The following MLYCD variants were observed in gnomAD, a reference collection of about 807,000 sequenced individuals.
MLYCD encodes malonyl-CoA decarboxylase.
A neutral mutation model predicts 35.8 loss-of-function variants in MLYCD; 27 were observed. That is an observed-to-expected ratio of 0.75 (90% CI 0.56 to 1.04). MLYCD has a LOEUF of 1.04. Among genes scored for constraint, MLYCD ranks in the 50% least tolerant of loss-of-function variants. MLYCD has a pLI of 0.00. For missense variants in MLYCD, 917 were observed against 665.1 expected, an observed-to-expected ratio of 1.38 and a Z score of -4.17; for synonymous variants, 403 against 302.4, an observed-to-expected ratio of 1.33 and a Z score of -3.45.
rs1907059334 is a variant in MLYCD at position 83,908,420 on chromosome 16, G to A, written c.798+138G>A. On this transcript the variant is annotated intron_variant, in intron 3 of 4. Coordinates refer to ENST00000262430, the MANE Select transcript of MLYCD (RefSeq NM_012213.3). ...AATGGTTTTGGGCTTTTTTAAATTG[G>A]TTAAATAAAATCTCCAGATTTGTAG... The A allele has an allele frequency of 6.9e-6, 8 of 1,156,528 alleles. 1 individual carries two copies. The South Asian group carries it at 1.3e-4, about 19-fold the overall frequency. The allele number at this position is 1,156,528 out of a possible 1,614,324, so 71.6% of individuals were successfully genotyped here.
Position 83,912,239 on chromosome 16 carries a change from C to T in MLYCD, c.820C>T (p.Pro274Ser). ...CCAGGCAATCGTGAAGGAACATCCT[C>T]CATCAGAAACAGAAGAGAAGAACAA... ...NIQAIVKEHP[P>S]SETEEKNKIT... The change falls in exon 4 of 5, where the codon CCA becomes TCA. Residue 274 changes from proline to serine, a missense_variant. Physicochemically the swap from Pro to Ser is moderately conservative, Grantham distance 74. Transcript: ENST00000262430. The T allele has an allele frequency of 6.2e-7, 1 of 1,614,200 alleles. No homozygotes were observed. The highest frequency in any genetic ancestry group is 8.5e-7 in the Non-Finnish European group (1 of 1,180,040).
Position 83,919,596 on chromosome 16 carries a change from G to A in MLYCD, c.*4107G>A, listed in dbSNP as rs1907577005. The A allele has an allele frequency of 6.6e-6, 1 of 150,626 alleles. No homozygotes were observed. The highest frequency in any genetic ancestry group is 2.1e-4 in the South Asian group (1 of 4,878). 9.3% of individuals were successfully genotyped at this position (150,626 alleles called of 1,614,324 possible). ...TGATCAGAACACACAGTGCACAGGA[G>A]AACACACAGTGCACAGAACACACGG... On this transcript the variant is annotated 3_prime_UTR_variant, in exon 5 of 5. Coordinates refer to ENST00000262430, the MANE Select transcript of MLYCD (RefSeq NM_012213.3).
At chr16:83,903,053 A>AC (rs1338185486) in intron 1 of MLYCD, among the ~76,000 whole-genome samples, 1 of 152,042 alleles carries the variant, frequency 6.6e-6, no homozygotes, top group Non-Finnish European at 1.5e-5. Context: ...TCCCAGTGAA[A>AC]CCGAGTCGAA....
chr16:83,902,221 G>T (rs1307933203), intron 1 of MLYCD, among the ~76,000 whole-genome samples: 1 of 135,866 alleles, frequency 7.4e-6, no homozygotes, highest in African/African-American at 2.7e-5. Context: ...ACGGTTTTTT[G>T]TTTGTGTTTA....
At position 83,918,882 on chromosome 16, in the gene MLYCD, A is replaced by G. The variant is rs1907537825; in HGVS notation, c.*3393A>G. Reference sequence around the variant, plus strand: ...ACAGAACACAGCCAGTGCACAGGAGAACACTGCACAGGAGAACCACACTGC... The same window carrying G: ...ACAGAACACAGCCAGTGCACAGGAGGACACTGCACAGGAGAACCACACTGC... On this transcript the variant is annotated 3_prime_UTR_variant, in exon 5 of 5. Transcript: ENST00000262430. The G allele has an allele frequency of 7.2e-6, 1 of 138,438 alleles. No homozygotes were observed. Among genetic ancestry groups the G allele is most frequent in the African/African-American group, 3.0e-5 (1 of 33,314 alleles). The allele number at this position is 138,438 out of a possible 1,614,324, so 8.6% of individuals were successfully genotyped here.
At chr16:83,904,034 AT>A (rs1244854455) in intron 1 of MLYCD, among the ~76,000 whole-genome samples, 1 of 152,196 alleles carries the variant, frequency 6.6e-6, no homozygotes, top group African/African-American at 2.4e-5. Flanking sequence ...TTTAGCCTGG[AT>A]TCCCAGTTCT....
intron 1 of MLYCD, among the ~76,000 whole-genome samples, chr16:83,902,735 A>T (rs1387130206): frequency 2.6e-5 from 4 of 152,178 alleles, no homozygotes; most frequent in African/African-American, 9.6e-5. Context: ...GGAACTCCTG[A>T]CCTCAGATGA....
In MLYCD at chr16:83,923,766, C is replaced by T. The variant is rs1907723248; in HGVS notation, c.*8277C>T. The T allele has an allele frequency of 6.6e-6, 1 of 152,442 alleles. No homozygotes were observed. The highest frequency in any genetic ancestry group is 1.5e-5 in the Non-Finnish European group (1 of 68,240). 9.4% of individuals were successfully genotyped at this position (152,442 alleles called of 1,614,324 possible). A position where few individuals can be genotyped will look rare whatever the true frequency, so the allele number is the denominator to read the frequency against. On this transcript the variant is annotated 3_prime_UTR_variant, in exon 5 of 5. Coordinates refer to ENST00000262430, the MANE Select transcript of MLYCD (RefSeq NM_012213.3). ...CCACCACCCAGCTCTCCTTCCACCG[C>T]ACTGGTCCACCTCCTGACCGTACGT...
In MLYCD at chr16:83,915,650, C is replaced by T; in HGVS notation, c.*161C>T. The T allele has an allele frequency of 6.6e-7, 1 of 1,509,662 alleles. No individual in the cohort carries two copies. Among genetic ancestry groups the T allele is most frequent in the Non-Finnish European group, 8.8e-7 (1 of 1,132,600 alleles). The allele number at this position is 1,509,662 out of a possible 1,614,324, so 93.5% of individuals were successfully genotyped here. A position where few individuals can be genotyped will look rare whatever the true frequency, so the allele number is the denominator to read the frequency against. ...CACTGTGAGGCCAGGCCTCAACTTCCCTCACCCTGGGCGTGACATGCACCC... is the reference window on the plus strand; with the variant it reads ...CACTGTGAGGCCAGGCCTCAACTTCTCTCACCCTGGGCGTGACATGCACCC... On this transcript the variant is annotated 3_prime_UTR_variant, in exon 5 of 5. Coordinates refer to ENST00000262430, the MANE Select transcript of MLYCD (RefSeq NM_012213.3).
At position 83,915,159 on chromosome 16, in the gene MLYCD, G is replaced by T. The variant is rs1177070767; in HGVS notation, c.1152G>T (p.Trp384Cys). 1.2e-6 allele frequency: 2 copies of T among 1,614,086 alleles called. No homozygotes were observed. The highest frequency in any genetic ancestry group is 1.7e-6 in the Non-Finnish European group (2 of 1,180,018). Residue 384 changes from tryptophan (W) to cysteine (C), a missense_variant, in exon 5 of 5, where the codon TGG (tryptophan) becomes TGT (cysteine). Coordinates refer to ENST00000262430, the MANE Select transcript of MLYCD (RefSeq NM_012213.3). Reference sequence around the variant, plus strand: ...AGCTCCTCCTCAGCAGCAGCGAGTGGGTGCAGTCGGAGAAGCTGGTGCGGG... The same window carrying T: ...AGCTCCTCCTCAGCAGCAGCGAGTGTGTGCAGTCGGAGAAGCTGGTGCGGG... ...TLKLLLSSSE[W>C]VQSEKLVRAL...
At chr16:83,906,885 G>A in intron 1 of MLYCD, 102 bp from the exon 2 acceptor site, 2 of 956,312 alleles carry the variant, frequency 2.1e-6, no homozygotes, top group South Asian at 1.3e-5. Context: ...ATTGTCTTAT[G>A]TATCGTGCTT....
rs574670886 is a variant in MLYCD, at chr16:83,903,636, A to G, written c.529-3351A>G. The stretch of plus-strand genomic sequence containing the variant: ...GGTCTAAACGGTGTCATACAAGTCA[A>G]TGGAATTAACAATACACAATACACA... On this transcript the variant is annotated intron_variant, in intron 1 of 4. Transcript: ENST00000262430. Among the ~76,000 whole-genome samples the G allele has an allele frequency of 2.0e-5, 3 of 152,342 alleles. No homozygotes were observed. In the South Asian group the frequency reaches 6.2e-4, roughly 32 times the overall value.
At position 83,918,526 on chromosome 16, in the gene MLYCD, CAGG is replaced by C. The variant is rs762868709; in HGVS notation, c.*3040_*3042del. On this transcript the variant is annotated 3_prime_UTR_variant, in exon 5 of 5. Coordinates refer to ENST00000262430, the MANE Select transcript of MLYCD (RefSeq NM_012213.3). ...AGTGCACAGGAGAACACAGAGTGCACAGGAGAACACATGGTGCACAGGAGAACA... is the reference window on the plus strand; with the variant it reads ...AGTGCACAGGAGAACACAGAGTGCACAGAACACATGGTGCACAGGAGAACA... 22 of 131,512 alleles carry C rather than the reference CAGG, an allele frequency of 1.7e-4. No individual in the cohort carries two copies. Among genetic ancestry groups the C allele is most frequent in the Non-Finnish European group, 3.2e-4 (20 of 63,180 alleles). 8.1% of individuals were successfully genotyped at this position (131,512 alleles called of 1,614,324 possible).
Position 83,912,313 on chromosome 16 carries a change from C to G in MLYCD, c.894C>G (p.Leu298=), listed in dbSNP as rs368719157. The change falls in exon 4 of 5, where the codon CTC becomes CTG. Residue 298 remains leucine (L), a synonymous_variant. Transcript: ENST00000262430. ...FYSISLTQQG[L]QGVELGTFLI... ...CCATCAGCTTGACCCAGCAGGGACT[C>G]CAAGGGGTGGAGCTGGGAACATTCC... is the stretch of plus-strand genomic sequence containing the variant. 94 of 1,614,096 alleles carry G rather than the reference C, an allele frequency of 5.8e-5. No homozygotes were observed. The highest frequency in any genetic ancestry group is 7.8e-5 in the Non-Finnish European group (92 of 1,180,054).
chr16:83,907,121 T>C, intron 2 of MLYCD, 22 bp downstream of exon 2: 1 of 1,562,634 alleles, frequency 6.4e-7, no homozygotes, highest in Non-Finnish European at 8.8e-7. Context: ...GGTTTTCATT[T>C]TCTTTGTACA....
Position 83,899,325 on chromosome 16 carries a change from C to G in MLYCD, c.181C>G (p.Pro61Ala), listed in dbSNP as rs766518554. 2 of 1,502,126 alleles carry G rather than the reference C, an allele frequency of 1.3e-6. No individual in the cohort carries two copies. 93.0% of individuals were successfully genotyped at this position (1,502,126 alleles called of 1,614,324 possible). ...GGCCTACGAGCTGCGCGAGAAGACA[C>G]CGGCGCCCGCCGAGGGTCAGTGCGC... The part of the protein sequence containing the change: ...TPAYELREKT[P>A]APAEGQCADF... The change falls in exon 1 of 5, where the codon CCG (proline) becomes GCG (alanine). Residue 61 changes from proline to alanine, a missense_variant. Coordinates refer to ENST00000262430, the MANE Select transcript of MLYCD (RefSeq NM_012213.3).
chr16:83,904,846 C>G (rs1161377240), intron 1 of MLYCD, among the ~76,000 whole-genome samples: 1 of 152,216 alleles, frequency 6.6e-6, no homozygotes, highest in Non-Finnish European at 1.5e-5. Context: ...AAAAGTTCCT[C>G]TTTACACTAA....
At chr16:83,908,058 AAT>A (rs1432480246) in intron 2 of MLYCD, 66 bp from the exon 3 acceptor site, 1 of 1,586,654 alleles carries the variant, frequency 6.3e-7, no homozygotes, top group East Asian at 2.2e-5. Context: ...GAATAGTATG[AAT>A]AGGAGTCAGC....
In MLYCD at chr16:83,914,958, A is replaced by T; in HGVS notation, c.951A>T (p.Arg317Ser). ...TCCACCCCAACCATGCTTTACAGAG[A>T]GAGTTTCCTCACCTTGGGGTGTTTT... Reference protein sequence around the residue: ...LIKRVVKELQREFPHLGVFSS... With the variant: ...LIKRVVKELQSEFPHLGVFSS... The change falls in exon 5 of 5, where the codon AGA becomes AGT. Residue 317 changes from arginine (R) to serine (S), a missense_variant and splice_region_variant. Coordinates refer to ENST00000262430, the MANE Select transcript of MLYCD (RefSeq NM_012213.3). 6.2e-7 allele frequency: 1 copy of T among 1,614,186 alleles called. No individual in the cohort carries two copies. The highest frequency in any genetic ancestry group is 1.1e-5 in the South Asian group (1 of 91,088).
Sources: allele counts gnomAD v4.1 joint callset (sites outside exome capture counted in the v4.1 genomes callset), GRCh38; gene constraint gnomAD v4.1.1; transcripts MANE v1.5; gene names NCBI Gene and HGNC (gene_info 2026-07-23, HGNC 2026-07-21).